The following PDE1C variants were observed in gnomAD, a reference collection of about 807,000 sequenced individuals.
PDE1C encodes the protein dual specificity calcium/calmodulin-dependent 3',5'-cyclic nucleotide phosphodiesterase 1C.
Under a neutral mutation model 93.1 loss-of-function variants are expected in PDE1C, and 62 were observed. The observed-to-expected ratio is 0.67, with a 90% confidence interval of 0.54 to 0.82. The LOEUF is 0.82. Among genes scored for constraint, PDE1C ranks in the 40% least tolerant of loss-of-function variants. The pLI is 0.00. For synonymous variants in PDE1C, 325 were observed against 310.1 expected (o/e 1.05, Z -0.50); for missense variants, 742 against 884.6 (o/e 0.84, Z 2.04).
chr7:31,676,691 T>A, the PDE1C span, among the ~76,000 whole-genome samples: 60 of 152,164 alleles, frequency 3.9e-4, 3 homozygotes, highest in South Asian at 0.012. Context: ...AAGGAACTAA[T>A]AAGACAGAAG....
At chr7:32,165,511 T>C (rs759950587) in intron 3 of PDE1C, among the ~76,000 whole-genome samples, 7 of 152,104 alleles carry the variant, frequency 4.6e-5, no homozygotes. Context: ...CTTACAACCA[T>C]GGCAGAAGGT....
intron 2 of PDE1C, among the ~76,000 whole-genome samples, chr7:32,205,881 G>A (rs1300877451): frequency 6.6e-6 from 1 of 152,148 alleles, no homozygotes; most frequent in Non-Finnish European, 1.5e-5. Context: ...TCAGAATGAA[G>A]AAACTCCGGA....
the PDE1C span, among the ~76,000 whole-genome samples, chr7:31,705,589 G>A: frequency 2.0e-5 from 3 of 152,250 alleles, 1 homozygote; most frequent in South Asian, 6.2e-4. Context: ...AACAAACTAG[G>A]AACTGAAACA....
At chr7:32,108,349 A>C (rs948077766) in intron 3 of PDE1C, among the ~76,000 whole-genome samples, 2 of 151,940 alleles carry the variant, frequency 1.3e-5, no homozygotes, top group Admixed American at 1.3e-4. Flanking sequence ...TTAGAAATTA[A>C]GAATATGATA....
chr7:32,151,430 A>G (rs1173818688), intron 3 of PDE1C, among the ~76,000 whole-genome samples: 3 of 152,194 alleles, frequency 2.0e-5, no homozygotes, highest in South Asian at 4.1e-4. Context: ...CTGTGAATCT[A>G]TTTTGGAAAT....
chr7:31,641,415 G>A, the PDE1C span, among the ~76,000 whole-genome samples: 1 of 151,970 alleles, frequency 6.6e-6, no homozygotes, highest in African/African-American at 2.4e-5. Flanking sequence ...CCTTCCTCCT[G>A]AGAGACTTCC....
chr7:32,073,963 T>C (rs1317695525), upstream of PDE1C, among the ~76,000 whole-genome samples: 1 of 152,206 alleles, frequency 6.6e-6, no homozygotes, highest in Non-Finnish European at 1.5e-5. Context: ...AAACATTACA[T>C]GGTCAAACAT....
At chr7:32,384,829 T>C (rs976227643) in intron 1 of PDE1C, among the ~76,000 whole-genome samples, 1 of 152,202 alleles carries the variant, frequency 6.6e-6, no homozygotes, top group Non-Finnish European at 1.5e-5. Context: ...TCAGATTCAA[T>C]AGATCTGAGA....
chr7:31,929,512 T>G (rs1402634100), intron 2 of PDE1C, among the ~76,000 whole-genome samples: 1 of 152,094 alleles, frequency 6.6e-6, no homozygotes, highest in Non-Finnish European at 1.5e-5. Context: ...ATAGCAATTA[T>G]CCTAAAATCG....
chr7:31,632,617 G>A, the PDE1C span, among the ~76,000 whole-genome samples: 1 of 152,102 alleles, frequency 6.6e-6, no homozygotes, highest in Non-Finnish European at 1.5e-5. Context: ...CCAACACTGG[G>A]AACACAACTT....
chr7:32,362,900 C>G (rs1320536079), intron 1 of PDE1C, among the ~76,000 whole-genome samples: 1 of 152,200 alleles, frequency 6.6e-6, no homozygotes, highest in East Asian at 1.9e-4. Flanking sequence ...GGGGAAGACC[C>G]AAGTACACAT....
chr7:31,967,346 A>T (rs554742475), intron 2 of PDE1C, among the ~76,000 whole-genome samples: 1 of 152,338 alleles, frequency 6.6e-6, no homozygotes, highest in Non-Finnish European at 1.5e-5. Context: ...ACACAAATAA[A>T]CTAGAAAATC....
At chr7:32,330,245 G>C (rs1174033241) in intron 1 of PDE1C, among the ~76,000 whole-genome samples, 1 of 152,228 alleles carries the variant, frequency 6.6e-6, no homozygotes, top group Non-Finnish European at 1.5e-5. Context: ...CAAGGTGAGT[G>C]AACTGTTCAA....
intron 9 of PDE1C, among the ~76,000 whole-genome samples, chr7:31,843,456 C>T (rs1429945817): frequency 1.3e-5 from 2 of 151,796 alleles, no homozygotes; most frequent in African/African-American, 2.4e-5. Context: ...CTTTCTCTTT[C>T]ACAATATCCT....
rs558836754 is a variant in PDE1C at position 31,979,697 on chromosome 7, G to C, written c.128+71857C>G. 5.3e-5 allele frequency among the ~76,000 whole-genome samples: 8 copies of C among 152,262 alleles called. No individual in the cohort carries two copies. The East Asian group carries it at 1.5e-3, about 29-fold the overall frequency. ...CTTCATGAAAGTAAAAACATTTGCA[G>C]GTTTTGCTTTGAAAGATCCAAGTGA... On this transcript the variant is annotated intron_variant, in intron 2 of 17. Transcript: ENST00000396191.
intron 1 of PDE1C, among the ~76,000 whole-genome samples, chr7:32,420,687 TA>T (rs1182075339): frequency 6.6e-6 from 1 of 151,558 alleles, no homozygotes; most frequent in Non-Finnish European, 1.5e-5. Flanking sequence ...GTATTTTTTT[TA>T]ATTTGACAAA....
chr7:32,364,136 TG>T (rs772888238), intron 1 of PDE1C, among the ~76,000 whole-genome samples: 1 of 152,312 alleles, frequency 6.6e-6, no homozygotes, highest in East Asian at 1.9e-4. Context: ...GTCTCCTGGA[TG>T]CATCTATTTG....
intron 2 of PDE1C, among the ~76,000 whole-genome samples, chr7:32,019,445 G>A (rs1210830113): frequency 1.3e-4 from 20 of 152,074 alleles, no homozygotes; most frequent in East Asian, 1.2e-3. Flanking sequence ...CCTTATAAAG[G>A]CCAGGCATAC....
At position 32,164,487 on chromosome 7, in the gene PDE1C, T is replaced by C. The variant is rs192636181; in HGVS notation, c.308+5298A>G. On this transcript the variant is annotated intron_variant, in intron 3 of 18. Coordinates refer to the PDE1C transcript ENST00000396193. ...AAGGTTATGTGGTGCTAGTAGAATA[T>C]GCTGAAGGAGCATGGCTGTAGAGCT... Among the ~76,000 whole-genome samples the C allele has an allele frequency of 2.6e-5, 4 of 152,330 alleles. No individual in the cohort carries two copies. The East Asian group carries it at 5.8e-4, about 22-fold the overall frequency.
Sources: allele counts gnomAD v4.1 joint callset (sites outside exome capture counted in the v4.1 genomes callset), GRCh38; gene constraint gnomAD v4.1.1; transcripts MANE v1.5; gene names NCBI Gene and HGNC (gene_info 2026-07-23, HGNC 2026-07-21).